Variants in CSMD1 observed in about 807,000 individuals in gnomAD.
CSMD1 encodes CUB and sushi domain-containing protein 1.
A neutral mutation model predicts 417.5 loss-of-function variants in CSMD1; 213 were observed. That is an observed-to-expected ratio of 0.51 (90% CI 0.46 to 0.57). The LOEUF is 0.57. Among genes scored for constraint, CSMD1 ranks in the 20% least tolerant of loss-of-function variants. The pLI, the probability that CSMD1 is intolerant of heterozygous loss-of-function variation, is 0.00. For missense variants in CSMD1, 6,923 were observed against 4,529.7 expected, an observed-to-expected ratio of 1.53 and a Z score of -15.17; for synonymous variants, 2,862 against 1,736.8, an observed-to-expected ratio of 1.65 and a Z score of -16.11.
At chr8:4,588,187 G>A (rs1254578019) in intron 2 of CSMD1, among the ~76,000 whole-genome samples, 5 of 151,906 alleles carry the variant, frequency 3.3e-5, no homozygotes, top group Non-Finnish European at 7.4e-5. Flanking sequence ...CATTTTCTTA[G>A]GCATATATTT....
Position 3,795,901 on chromosome 8 carries a change from A to ATC in CSMD1, c.819-41860_819-41859insGA, listed in dbSNP as rs1300572690. ...ATATATCTATCATGTACAGATATAT[A>ATC]TATCATGTACAGATATAGATATCTA... On this transcript the variant is annotated intron_variant, in intron 5 of 69. Transcript: ENST00000635120. 5.5e-4 allele frequency among the ~76,000 whole-genome samples: 26 copies of ATC among 47,488 alleles called. 6 individuals carry two copies. The highest frequency in any genetic ancestry group is 1.3e-3 in the African/African-American group (19 of 14,328). 31.2% of individuals were successfully genotyped at this position (47,488 alleles called of 152,430 possible). A position where few individuals can be genotyped will look rare whatever the true frequency, so the allele number is the denominator to read the frequency against.
chr8:3,241,440 G>T (rs1191553040), intron 26 of CSMD1, among the ~76,000 whole-genome samples: 1 of 152,132 alleles, frequency 6.6e-6, no homozygotes, highest in Non-Finnish European at 1.5e-5. Flanking sequence ...CATCTGTGTT[G>T]GTCTACAGGG....
intron 1 of CSMD1, among the ~76,000 whole-genome samples, chr8:4,875,042 GTCTT>G (rs372076736): frequency 1.9e-4 from 27 of 142,946 alleles, no homozygotes; most frequent in Admixed American, 2.8e-4. Context: ...CTCCCTCTCT[GTCTT>G]TCTTTCTTTC....
At chr8:3,825,749 G>C (rs1438177123) in intron 5 of CSMD1, among the ~76,000 whole-genome samples, 1 of 152,124 alleles carries the variant, frequency 6.6e-6, no homozygotes, top group Admixed American at 6.5e-5. Flanking sequence ...GAGGCGATTG[G>C]GGCCACATGA....
chr8:3,422,049 G>A (rs1043375023), intron 12 of CSMD1, among the ~76,000 whole-genome samples: 2 of 152,090 alleles, frequency 1.3e-5, no homozygotes, highest in African/African-American at 4.8e-5. Context: ...ACCATGTCCA[G>A]CCCTGATGTC....
At chr8:4,823,876 T>C (rs892060413) in intron 1 of CSMD1, among the ~76,000 whole-genome samples, 1 of 151,874 alleles carries the variant, frequency 6.6e-6, no homozygotes, top group African/African-American at 2.4e-5. Context: ...AGGCTTAATA[T>C]TGAACTTTGA....
chr8:4,855,095 G>C (rs1230437709), intron 1 of CSMD1, among the ~76,000 whole-genome samples: 17 of 151,960 alleles, frequency 1.1e-4, no homozygotes, highest in Non-Finnish European at 2.1e-4. Context: ...TCCTCAAGTG[G>C]GTCCCTGACC....
At position 2,935,516 on chromosome 8, in the gene CSMD1, G is replaced by C. The variant is rs1408280994; in HGVS notation, c.*3069C>G. On this transcript the variant is annotated 3_prime_UTR_variant, in exon 70 of 70. Coordinates refer to ENST00000635120, the MANE Select transcript of CSMD1 (RefSeq NM_033225.6). ...TATTAATACATGTGTAATAGGATTG[G>C]AACTGAAAATCAGCTAGAGATGGTA... The C allele has an allele frequency of 6.6e-6, 1 of 152,120 alleles. No individual in the cohort carries two copies. The highest frequency in any genetic ancestry group is 1.5e-5 in the Non-Finnish European group (1 of 68,030). 9.4% of individuals were successfully genotyped at this position (152,120 alleles called of 1,614,324 possible).
intron 10 of CSMD1, among the ~76,000 whole-genome samples, chr8:3,527,101 G>A (rs965750172): frequency 6.6e-6 from 1 of 151,944 alleles, no homozygotes; most frequent in Non-Finnish European, 1.5e-5. Context: ...GCCAGAAGGA[G>A]CCCAGAACCC....
At chr8:3,031,788 T>C (rs1005355862) in intron 50 of CSMD1, among the ~76,000 whole-genome samples, 3 of 151,990 alleles carry the variant, frequency 2.0e-5, no homozygotes, top group East Asian at 1.9e-4. Flanking sequence ...TTCATGATGA[T>C]CTCTTTCTTC....
intron 3 of CSMD1, among the ~76,000 whole-genome samples, chr8:4,038,046 G>T (rs991735733): frequency 6.6e-6 from 1 of 152,006 alleles, no homozygotes; most frequent in African/African-American, 2.4e-5. Context: ...AGTATCAGAG[G>T]CTTAAAATTA....
intron 7 of CSMD1, among the ~76,000 whole-genome samples, chr8:3,634,180 C>T (rs375522934): frequency 2.6e-5 from 4 of 152,224 alleles, no homozygotes; most frequent in South Asian, 2.1e-4. Context: ...AGAGTGTCTT[C>T]GTTTACCTGG....
chr8:4,576,661 C>T (rs1392954299), intron 2 of CSMD1, among the ~76,000 whole-genome samples: 1 of 152,012 alleles, frequency 6.6e-6, no homozygotes, highest in Non-Finnish European at 1.5e-5. Context: ...TACATGAAAA[C>T]AATGTAAAAT....
intron 7 of CSMD1, among the ~76,000 whole-genome samples, chr8:3,651,168 CT>C (rs1449711896): frequency 6.6e-6 from 1 of 152,188 alleles, no homozygotes; most frequent in African/African-American, 2.4e-5. Context: ...GTACTTTCCC[CT>C]GGTCTCTGTT....
intron 5 of CSMD1, among the ~76,000 whole-genome samples, chr8:3,786,400 G>A (rs6991444): frequency 9.2e-5 from 14 of 151,836 alleles, no homozygotes; most frequent in Middle Eastern, 3.2e-3. Flanking sequence ...GAAGAGGATC[G>A]AACAAGAGTT....
chr8:3,917,289 T>C (rs1461236469), intron 5 of CSMD1, among the ~76,000 whole-genome samples: 2 of 152,080 alleles, frequency 1.3e-5, no homozygotes, highest in African/African-American at 2.4e-5. Flanking sequence ...TTCCTGAAAT[T>C]AGGTGATGCG....
chr8:3,435,098 C>T (rs985659067), intron 12 of CSMD1, among the ~76,000 whole-genome samples: 13 of 152,210 alleles, frequency 8.5e-5, no homozygotes, highest in East Asian at 3.9e-4. Flanking sequence ...GGAAGAGAGA[C>T]GGAGAGACAG....
chr8:4,579,969 A>G (rs1799334782), intron 2 of CSMD1, among the ~76,000 whole-genome samples: 1 of 152,112 alleles, frequency 6.6e-6, no homozygotes, highest in Admixed American at 6.5e-5. Flanking sequence ...CCAAATCCCT[A>G]CTTGCTTTTT....
intron 2 of CSMD1, among the ~76,000 whole-genome samples, chr8:4,586,067 T>G (rs1458453872): frequency 6.6e-6 from 1 of 152,238 alleles, no homozygotes. Flanking sequence ...GGAGTACACA[T>G]GATATTTTCA....
Sources: allele counts gnomAD v4.1 joint callset (sites outside exome capture counted in the v4.1 genomes callset), GRCh38; gene constraint gnomAD v4.1.1; transcripts MANE v1.5; gene names NCBI Gene and HGNC (gene_info 2026-07-23, HGNC 2026-07-21).